The following KDM4C variants were observed in gnomAD, a reference collection of about 807,000 sequenced individuals.
The protein encoded by KDM4C is lysine demethylase 4C.
A neutral mutation model predicts 129.3 loss-of-function variants in KDM4C; 81 were observed. The observed-to-expected ratio is 0.63, with a 90% CI of 0.52 to 0.75. The LOEUF is 0.75. Among genes scored for constraint, KDM4C ranks in the 30% least tolerant of loss-of-function variants. The pLI, the probability that KDM4C is intolerant of heterozygous loss-of-function variation, is 0.00. For missense variants in KDM4C, 1,457 were observed against 1,304.0 expected (o/e 1.12, Z -1.81); for synonymous variants, 573 against 456.1 (o/e 1.26, Z -3.26).
chr9:7,068,684 T>A (rs7028236), intron 17 of KDM4C, among the ~76,000 whole-genome samples: 1 of 118,422 alleles, frequency 8.4e-6, no homozygotes, highest in Admixed American at 9.0e-5. Flanking sequence ...ATGATGCCCT[T>A]TCTTTTTTTT....
intron 19 of KDM4C, among the ~76,000 whole-genome samples, chr9:7,146,512 A>G (rs896065777): frequency 3.9e-5 from 6 of 152,200 alleles, no homozygotes; most frequent in Non-Finnish European, 7.3e-5. Context: ...ATAGTTGCCA[A>G]TAATCTGTCA....
intron 19 of KDM4C, among the ~76,000 whole-genome samples, chr9:7,154,586 A>G (rs1238157947): frequency 6.6e-6 from 1 of 152,192 alleles, no homozygotes; most frequent in Non-Finnish European, 1.5e-5. Context: ...AGACTGGCAG[A>G]TGAATTTTTC....
chr9:7,023,039 T>G (rs1347036808), intron 15 of KDM4C, among the ~76,000 whole-genome samples: 1 of 152,198 alleles, frequency 6.6e-6, no homozygotes, highest in Non-Finnish European at 1.5e-5. Context: ...TGTTGTTGAA[T>G]TTGGTTTGCT....
intron 12 of KDM4C, among the ~76,000 whole-genome samples, chr9:6,995,895 T>TCTC (rs71315573): frequency 0.32 from 48,403 of 151,736 alleles, 7,988 homozygotes; most frequent in Non-Finnish European, 0.35. Flanking sequence ...ATGGTCTCGA[T>TCTC]CTGACCTCGT....
At chr9:7,035,519 G>A (rs1336360693) in intron 15 of KDM4C, among the ~76,000 whole-genome samples, 1 of 151,120 alleles carries the variant, frequency 6.6e-6, no homozygotes, top group Non-Finnish European at 1.5e-5. Context: ...TTTTGCTTTT[G>A]TTGCCCTTGC....
At chr9:7,017,049 C>T (rs537346005) in intron 15 of KDM4C, among the ~76,000 whole-genome samples, 27 of 151,598 alleles carry the variant, frequency 1.8e-4, no homozygotes, top group African/African-American at 5.3e-4. Flanking sequence ...GATCTTCCCA[C>T]TTCACCCTCC....
intron 19 of KDM4C, among the ~76,000 whole-genome samples, chr9:7,138,357 A>G (rs932572263): frequency 1.3e-5 from 2 of 152,198 alleles, no homozygotes; most frequent in African/African-American, 4.8e-5. Flanking sequence ...TGTGCTTTAG[A>G]TGTTTTATCC....
intron 18 of KDM4C, among the ~76,000 whole-genome samples, chr9:7,120,562 A>C (rs1471119833): frequency 6.6e-6 from 1 of 152,200 alleles, no homozygotes; most frequent in African/African-American, 2.4e-5. Context: ...TTTTTTTCTT[A>C]ATACAGCCCC....
chr9:7,002,754 A>G (rs1820957761), intron 12 of KDM4C, among the ~76,000 whole-genome samples: 1 of 152,214 alleles, frequency 6.6e-6, no homozygotes, highest in African/African-American at 2.4e-5. Flanking sequence ...TTTTACTGGT[A>G]AGGCAATCGA....
At chr9:6,963,574 A>G (rs1830374921) in intron 8 of KDM4C, among the ~76,000 whole-genome samples, 1 of 152,256 alleles carries the variant, frequency 6.6e-6, no homozygotes, top group African/African-American at 2.4e-5. Context: ...AGTTGGTGCA[A>G]CAAGGTAACA....
At chr9:6,883,912 G>T (rs1219013432) in intron 6 of KDM4C, among the ~76,000 whole-genome samples, 2 of 151,992 alleles carry the variant, frequency 1.3e-5, no homozygotes, top group African/African-American at 4.8e-5. Flanking sequence ...GTGGTCTCAG[G>T]AATGCAGTAA....
intron 1 of KDM4C, among the ~76,000 whole-genome samples, chr9:6,787,466 C>T (rs1825723365): frequency 6.6e-6 from 1 of 152,252 alleles, no homozygotes; most frequent in African/African-American, 2.4e-5. Context: ...TTCCTGACCT[C>T]AGGTCATCTG....
intron 2 of KDM4C, among the ~76,000 whole-genome samples, chr9:6,804,324 T>A (rs926646625): frequency 5.1e-4 from 78 of 152,304 alleles, no homozygotes; most frequent in Admixed American, 4.8e-3. Context: ...TAGGTTCAGA[T>A]TGGCCATGGT....
chr9:7,034,973 G>A (rs529402653), intron 15 of KDM4C, among the ~76,000 whole-genome samples: 1 of 152,160 alleles, frequency 6.6e-6, no homozygotes. Context: ...TGTATTTTGT[G>A]AAATGTATGT....
At chr9:6,781,498 T>C (rs2130767409) in intron 1 of KDM4C, among the ~76,000 whole-genome samples, 1 of 152,332 alleles carries the variant, frequency 6.6e-6, no homozygotes, top group African/African-American at 2.4e-5. Flanking sequence ...ACATGAATTT[T>C]TGTCATAAGC....
intron 6 of KDM4C, among the ~76,000 whole-genome samples, chr9:6,883,000 G>A (rs1419642449): frequency 6.6e-6 from 1 of 152,154 alleles, no homozygotes; most frequent in Non-Finnish European, 1.5e-5. Flanking sequence ...GGGCATATAC[G>A]TAGATTTCTG....
intron 4 of KDM4C, among the ~76,000 whole-genome samples, chr9:6,820,653 G>T (rs1184772664): frequency 6.6e-6 from 1 of 151,560 alleles, no homozygotes; most frequent in African/African-American, 2.4e-5. Context: ...AGTCATCCTC[G>T]ACAGAAGAGG....
intron 19 of KDM4C, among the ~76,000 whole-genome samples, chr9:7,142,547 G>A (rs1353539229): frequency 6.6e-6 from 1 of 152,130 alleles, no homozygotes; most frequent in East Asian, 1.9e-4. Context: ...TGGACTACAT[G>A]ACTTACCGAG....
At chr9:6,760,721 C>G (rs1276596359) in intron 1 of KDM4C, among the ~76,000 whole-genome samples, 1 of 151,996 alleles carries the variant, frequency 6.6e-6, no homozygotes, top group East Asian at 1.9e-4. Flanking sequence ...CAGGCACCCA[C>G]CACCATGCCT....
Sources: allele counts gnomAD v4.1 joint callset (sites outside exome capture counted in the v4.1 genomes callset), GRCh38; gene constraint gnomAD v4.1.1; transcripts MANE v1.5; gene names NCBI Gene and HGNC (gene_info 2026-07-23, HGNC 2026-07-21).